The following ATG16L2 variants were observed in gnomAD, a reference collection of about 807,000 sequenced individuals.
ATG16L2 encodes autophagy related 16 like 2.
Under a neutral mutation model 84.7 loss-of-function variants are expected in ATG16L2, and 77 were observed. That is an observed-to-expected ratio of 0.91 (90% CI 0.76 to 1.10). The LOEUF (loss-of-function observed/expected upper bound fraction) is 1.10, where lower values mean the gene tolerates loss of function less well. Ranked by LOEUF, ATG16L2 falls within the 50% of genes least tolerant of loss-of-function variation. The probability of loss-of-function intolerance (pLI) is 0.00; values close to 1 mark genes in which losing one functional copy is unlikely to be tolerated. For synonymous variants in ATG16L2, 361 were observed against 342.8 expected, an observed-to-expected ratio of 1.05 and a Z score of -0.59; for missense variants, 782 against 817.6, an observed-to-expected ratio of 0.96 and a Z score of 0.53.
Position 72,822,258 on chromosome 11 carries a change from G to A in ATG16L2, c.607G>A (p.Ala203Thr). The change falls in exon 5 of 18, where the codon GCG (alanine) becomes ACG (threonine). Residue 203 changes from alanine to threonine, a missense_variant. Ala to Thr is a moderately conservative substitution (Grantham distance 58, BLOSUM62 0). Coordinates refer to ENST00000321297, the MANE Select transcript of ATG16L2 (RefSeq NM_033388.2). This position sits in a 1 kb window ranked among gnomAD's most constrained non-coding sequence, Gnocchi z 4.2. ...ERLVQRKARA[A>T]AERNLRNERR... ...GCTCGTGCAGCGCAAGGCGCGCGCCGCGGCCGAGCGCAACCTGCGCAACGA... is the reference window on the plus strand; with the variant it reads ...GCTCGTGCAGCGCAAGGCGCGCGCCACGGCCGAGCGCAACCTGCGCAACGA... 2 of 1,499,336 alleles carry A rather than the reference G, an allele frequency of 1.3e-6. No homozygotes were observed. The highest frequency in any genetic ancestry group is 1.3e-5 in the South Asian group (1 of 79,668). 92.9% of individuals were successfully genotyped at this position (1,499,336 alleles called of 1,614,324 possible).
At chr11:72,834,884 C>G (rs1164357572) in intron 5 of ATG16L2, among the ~76,000 whole-genome samples, 1 of 54,376 alleles carries the variant, frequency 1.8e-5, no homozygotes, top group Non-Finnish European at 3.5e-5. Flanking sequence ...CGTGCCCAGC[C>G]ATCATTCCAT....
At chr11:72,838,678 T>C (rs1860807558) in intron 5 of ATG16L2, 2 of 833,880 alleles carry the variant, frequency 2.4e-6, no homozygotes, top group Non-Finnish European at 3.9e-6. Context: ...TAATCCTCCT[T>C]GTTTTTTGCT....
chr11:72,822,366 T>G lies in ATG16L2; in HGVS notation c.644+71T>G, dbSNP rs773776801. 6 of 1,565,524 alleles carry G rather than the reference T, an allele frequency of 3.8e-6. No homozygotes were observed. The highest frequency in any genetic ancestry group is 5.2e-6 in the Non-Finnish European group (6 of 1,156,830). On this transcript the variant is annotated intron_variant, in intron 5 of 17. Transcript: ENST00000321297. The surrounding 1 kb of genome is among the most constrained non-coding windows in gnomAD (Gnocchi z 4.2). ...GCAGGGAGGAGTCGGGCCTCGCCGG[T>G]GTCTGGAAGGGAGGGGGGCAGCAGC...
rs1860047416 is a variant in ATG16L2, at chr11:72,822,266, GC to G, written c.616del (p.Arg206AlafsTer20). On this transcript the variant is annotated frameshift_variant, in exon 5 of 18. Coordinates refer to ENST00000321297, the MANE Select transcript of ATG16L2 (RefSeq NM_033388.2). LOFTEE classifies it high-confidence loss of function. This position sits in a 1 kb window ranked among gnomAD's most constrained non-coding sequence, Gnocchi z 4.2. ...AGCGCAAGGCGCGCGCCGCGGCCGA[GC>G]GCAACCTGCGCAACGAGCGCCGGGA... ...VQRKARAAAE[R>X]NLRNERRERA... The G allele has an allele frequency of 6.6e-7, 1 of 1,504,828 alleles. No homozygotes were observed. The highest frequency in any genetic ancestry group is 8.8e-7 in the Non-Finnish European group (1 of 1,136,774). The allele number at this position is 1,504,828 out of a possible 1,614,324, so 93.2% of individuals were successfully genotyped here. A position where few individuals can be genotyped will look rare whatever the true frequency, so the allele number is the denominator to read the frequency against.
chr11:72,829,170 G>T, intron 17 of ATG16L2, 133 bp from the exon 18 acceptor site: 1 of 1,145,576 alleles, frequency 8.7e-7, no homozygotes, highest in South Asian at 1.4e-5. Context: ...ACAGCCCTGT[G>T]AGCTAACTTG....
Position 72,816,831 on chromosome 11 carries a change from AGTGTAT to A in ATG16L2, c.218+8_218+13del. The A allele has an allele frequency of 6.2e-7, 1 of 1,612,690 alleles. No individual in the cohort carries two copies. The highest frequency in any genetic ancestry group is 8.5e-7 in the Non-Finnish European group (1 of 1,178,710). ...CCACCACCCACCAGGGCCCCTGGTA[AGTGTAT>A]GTGGGTCCGTGGTCACAAAGGGCTG... On this transcript the variant is annotated splice_donor_5th_base_variant and intron_variant, in intron 2 of 17. Coordinates refer to ENST00000321297, the MANE Select transcript of ATG16L2 (RefSeq NM_033388.2).
downstream of ATG16L2, among the ~76,000 whole-genome samples, chr11:72,831,232 T>A (rs781020374): frequency 3.3e-5 from 5 of 152,190 alleles, no homozygotes; most frequent in African/African-American, 4.8e-5. Context: ...TCAGGCTGGA[T>A]GCGGTGGCTC....
chr11:72,825,163 T>C (rs1455677046), intron 9 of ATG16L2, 139 bp from the exon 10 acceptor site: 1 of 679,718 alleles, frequency 1.5e-6, no homozygotes, highest in Non-Finnish European at 2.5e-6. Flanking sequence ...AAACTCAGAG[T>C]GTGGACAGAG....
chr11:72,824,029 C>T lies in ATG16L2; in HGVS notation c.825-31C>T, dbSNP rs573021635. ...CCATTTGTACACACACCAGCCAGTCCCTTAGCATATCTCTCTTGGTTTTGT... is the reference window on the plus strand; with the variant it reads ...CCATTTGTACACACACCAGCCAGTCTCTTAGCATATCTCTCTTGGTTTTGT... On this transcript the variant is annotated intron_variant, in intron 7 of 17. Coordinates refer to ENST00000321297, the MANE Select transcript of ATG16L2 (RefSeq NM_033388.2). 9.9e-6 allele frequency: 16 copies of T among 1,613,548 alleles called. No homozygotes were observed. The South Asian group carries it at 1.6e-4, about 17-fold the overall frequency.
chr11:72,817,825 G>T lies in ATG16L2; in HGVS notation c.288G>T (p.Glu96Asp). ...CACTGAGGGTGAAGTGGCAGGAGGA[G>T]GAGGAGGGGCTCCGGCTGGTCTGTG... ...LVALRVKWQEEEEGLRLVCGE... is the reference protein window; with the variant it reads ...LVALRVKWQEDEEGLRLVCGE... Residue 96 changes from glutamate to aspartate, a missense_variant, in exon 3 of 18, where the codon GAG (glutamate) becomes GAT (aspartate). By Grantham distance (45) the Glu-to-Asp change is conservative. Transcript: ENST00000321297. The T allele has an allele frequency of 6.2e-7, 1 of 1,612,852 alleles. No homozygotes were observed.
chr11:72,816,822 C>T lies in ATG16L2; in HGVS notation c.213C>T (p.Gly71=), dbSNP rs769653254. 1.2e-6 allele frequency: 2 copies of T among 1,613,410 alleles called. No homozygotes were observed. The highest frequency in any genetic ancestry group is 2.7e-5 in the African/African-American group (2 of 74,926). The change falls in exon 2 of 18, where the codon GGC becomes GGT. Residue 71 remains glycine, a synonymous_variant. Coordinates refer to ENST00000321297, the MANE Select transcript of ATG16L2 (RefSeq NM_033388.2). ...PNSVTPTTHQ[G]PWEESELDSD... ...GTGTCACTCCCACCACCCACCAGGG[C>T]CCCTGGTAAGTGTATGTGGGTCCGT... is the stretch of plus-strand genomic sequence containing the variant.
chr11:72,814,664 C>A, intron 1 of ATG16L2, 101 bp downstream of exon 1: 1 of 972,470 alleles, frequency 1.0e-6, no homozygotes. Context: ...CCCGAGTGCG[C>A]TGTGCCTTAT....
At chr11:72,823,461 G>A (rs1860135520) in intron 7 of ATG16L2, 1 of 357,242 alleles carries the variant, frequency 2.8e-6, no homozygotes, top group South Asian at 2.1e-5. Context: ...CTGTCCGCAG[G>A]GTCTCCTCCA....
At position 72,841,511 on chromosome 11, in the gene ATG16L2, A is replaced by G. The variant is rs373494327; in HGVS notation, c.*22-1106A>G. ...GAGCTCCTCTTATCTGGGCTGGGGTAGGGGCTGCTGGGAGGCTGGTCGTAC... is the reference window on the plus strand; with the variant it reads ...GAGCTCCTCTTATCTGGGCTGGGGTGGGGGCTGCTGGGAGGCTGGTCGTAC... On this transcript the variant is annotated intron_variant, in intron 5 of 5. Coordinates refer to the ATG16L2 transcript ENST00000534905. 6 of 1,611,210 alleles carry G rather than the reference A, an allele frequency of 3.7e-6. No individual in the cohort carries two copies. In the African/African-American group the frequency reaches 4.0e-5, roughly 11 times the overall value.
chr11:72,833,640 G>C (rs1296825376), downstream of ATG16L2, among the ~76,000 whole-genome samples: 1 of 152,214 alleles, frequency 6.6e-6, no homozygotes, highest in African/African-American at 2.4e-5. Flanking sequence ...TCTAGGAAAG[G>C]CCGGGCGAGG....
chr11:72,826,534 C>G lies in ATG16L2; in HGVS notation c.1190C>G (p.Ala397Gly). 6.2e-7 allele frequency: 1 copy of G among 1,614,152 alleles called. No individual in the cohort carries two copies. Among genetic ancestry groups the G allele is most frequent in the East Asian group, 2.2e-5 (1 of 44,890 alleles). The change falls in exon 12 of 18, where the codon GCA becomes GGA. Residue 397 changes from alanine (A) to glycine (G), a missense_variant. Transcript: ENST00000321297. ...TTTCTCCAGGGCTACCAGGTTTTAG[C>G]AGCAACTTACAACCAGGCTGCCCAG... ...DFDPSGYQVL[A>G]ATYNQAAQLW... is the part of the protein sequence containing the mutation.
At chr11:72,835,207 A>G (rs11605818) in intron 5 of ATG16L2, among the ~76,000 whole-genome samples, 2,518 of 152,360 alleles carry the variant, frequency 0.017, 28 homozygotes, top group Non-Finnish European at 0.026. Flanking sequence ...CTGGCAGGGA[A>G]GTCAGAAGAC....
At position 72,829,495 on chromosome 11, in the gene ATG16L2, A is replaced by C; in HGVS notation, c.*105A>C. 6.8e-7 allele frequency: 1 copy of C among 1,468,740 alleles called. No individual in the cohort carries two copies. The highest frequency in any genetic ancestry group is 9.0e-7 in the Non-Finnish European group (1 of 1,109,186). The allele number at this position is 1,468,740 out of a possible 1,614,324, so 91.0% of individuals were successfully genotyped here. ...GGGACTGGAGCTGGCCTTGGGATTT[A>C]ATGGGGAAGAAGGCCTGGCAGGACC... On this transcript the variant is annotated 3_prime_UTR_variant, in exon 18 of 18. Transcript: ENST00000321297.
chr11:72,824,221 T>C (rs2135107096), intron 8 of ATG16L2, 99 bp downstream of exon 8: 4 of 1,437,936 alleles, frequency 2.8e-6, no homozygotes, highest in Non-Finnish European at 3.9e-6. Flanking sequence ...ATCCCTGTGA[T>C]GTGCAGCTGT....
Sources: gnomAD v4.1 joint callset for allele counts (sites outside exome capture counted in the v4.1 genomes callset) on GRCh38, gnomAD v4.1.1 for gene constraint, Gnocchi (gnomAD v3.1) non-coding constraint, MANE v1.5 for transcripts, NCBI Gene and HGNC (gene_info 2026-07-23, HGNC 2026-07-21) for gene names.